VPS13C: variants seen among roughly 807,000 people sequenced by gnomAD.
VPS13C encodes intermembrane lipid transfer protein VPS13C.
VPS13C carries 358 observed loss-of-function variants against 456.8 expected under a neutral mutation model. The ratio of observed to expected loss-of-function variants is 0.78; its 90% CI spans 0.72 to 0.86. The LOEUF is 0.86. Among genes scored for constraint, VPS13C ranks in the 40% least tolerant of loss-of-function variants. The pLI, the probability that VPS13C is intolerant of heterozygous loss-of-function variation, is 0.00. For missense variants in VPS13C, 4,818 were observed against 4,385.4 expected, an observed-to-expected ratio of 1.10 and a Z score of -2.79; for synonymous variants, 1,578 against 1,486.7, an observed-to-expected ratio of 1.06 and a Z score of -1.41.
At chr15:61,955,170 C>A (rs1356304715) in intron 37 of VPS13C, among the ~76,000 whole-genome samples, 1 of 152,162 alleles carries the variant, frequency 6.6e-6, no homozygotes, top group East Asian at 1.9e-4. Flanking sequence ...AAAATAACAA[C>A]AGCTATCACT....
intron 47 of VPS13C, among the ~76,000 whole-genome samples, chr15:61,937,722 C>T (rs1394111806): frequency 6.6e-6 from 1 of 152,188 alleles, no homozygotes; most frequent in East Asian, 1.9e-4. Context: ...GATCCAACCG[C>T]CTCGGCCTCC....
chr15:61,899,819 T>C (rs1046776233), intron 66 of VPS13C, among the ~76,000 whole-genome samples: 1 of 151,938 alleles, frequency 6.6e-6, no homozygotes, highest in Non-Finnish European at 1.5e-5. Flanking sequence ...AAAAAGAGGA[T>C]TTTAGACCAA....
chr15:62,058,072 T>A (rs1398475317), intron 1 of VPS13C, among the ~76,000 whole-genome samples: 1 of 152,244 alleles, frequency 6.6e-6, no homozygotes, highest in African/African-American at 2.4e-5. Context: ...CCAGTATGAT[T>A]TAAACTTTTC....
intron 5 of VPS13C, among the ~76,000 whole-genome samples, chr15:62,032,635 T>C (rs747972202): frequency 5.3e-5 from 8 of 151,944 alleles, no homozygotes; most frequent in African/African-American, 1.7e-4. Context: ...AGAAATCTTA[T>C]ATCTAAATAT....
At chr15:62,002,523 A>G (rs2046665306) in intron 15 of VPS13C, among the ~76,000 whole-genome samples, 1 of 152,126 alleles carries the variant, frequency 6.6e-6, no homozygotes, top group Admixed American at 6.5e-5. Flanking sequence ...CTTTAGTTTA[A>G]TTAGATCCCA....
In VPS13C at chr15:61,890,433, C is replaced by T. The variant is rs200661371; in HGVS notation, c.9106-33G>A. On this transcript the variant is annotated intron_variant, in intron 66 of 84. Transcript: ENST00000644861. The stretch of plus-strand genomic sequence containing the variant: ...GAAGAAAGACTTCATTAAACCCACA[C>T]ATAGTAACTTGTTATTATATAAAAT... The T allele has an allele frequency of 4.0e-5, 63 of 1,562,028 alleles. No homozygotes were observed. In the African/African-American group the frequency reaches 7.1e-4, roughly 18 times the overall value.
intron 22 of VPS13C, among the ~76,000 whole-genome samples, chr15:61,979,834 T>G (rs1437833000): frequency 6.6e-6 from 1 of 152,028 alleles, no homozygotes; most frequent in Non-Finnish European, 1.5e-5. Context: ...AATGGAAATT[T>G]TAAAAACAAG....
intron 63 of VPS13C, 105 bp from the exon 64 acceptor site, chr15:61,910,410 T>A (rs961441910): frequency 2.2e-6 from 2 of 926,456 alleles, no homozygotes; most frequent in Non-Finnish European, 2.8e-6. Flanking sequence ...TTGATTAAAT[T>A]ATTATGAAGT....
intron 63 of VPS13C, among the ~76,000 whole-genome samples, chr15:61,911,179 C>T (rs1466339545): frequency 6.6e-6 from 1 of 152,138 alleles, no homozygotes; most frequent in Non-Finnish European, 1.5e-5. Context: ...AGCACCAGTG[C>T]TTATCTTTGC....
chr15:61,878,154 A>C (rs553038209), intron 74 of VPS13C, among the ~76,000 whole-genome samples: 1 of 151,866 alleles, frequency 6.6e-6, no homozygotes, highest in Non-Finnish European at 1.5e-5. Context: ...GTTTCCTCTG[A>C]AATTTAGTAG....
chr15:61,975,099 T>A (rs1426396093), intron 24 of VPS13C, among the ~76,000 whole-genome samples: 1 of 152,116 alleles, frequency 6.6e-6, no homozygotes, highest in Non-Finnish European at 1.5e-5. Flanking sequence ...GATGCCTAAT[T>A]GCTGGATGCC....
intron 16 of VPS13C, among the ~76,000 whole-genome samples, chr15:61,992,160 G>A (rs1386995832): frequency 6.6e-6 from 1 of 152,070 alleles, no homozygotes; most frequent in Admixed American, 6.6e-5. Context: ...TCCTTGAAAG[G>A]AAACACACCC....
chr15:61,914,668 C>T (rs1449460895), intron 61 of VPS13C, among the ~76,000 whole-genome samples: 1 of 151,276 alleles, frequency 6.6e-6, no homozygotes, highest in Non-Finnish European at 1.5e-5. Flanking sequence ...TCAAGTGATT[C>T]TCCTGCCTCA....
Position 61,909,013 on chromosome 15 carries a change from T to C in VPS13C, c.8957A>G (p.Asp2986Gly). The C allele has an allele frequency of 6.2e-7, 1 of 1,613,978 alleles. No individual in the cohort carries two copies. Among genetic ancestry groups the C allele is most frequent in the Non-Finnish European group, 8.5e-7 (1 of 1,179,946 alleles). Residue 2986 changes from aspartate (D) to glycine (G), a missense_variant, in exon 65 of 85, where the codon GAC becomes GGC. By Grantham distance (94) the Asp-to-Gly change is moderately conservative. Transcript: ENST00000644861. ...ATACCTCTGTTTGTATGTGAGGATG[T>C]CCCATGGTGTATGGTTCATTATCAA... ...PALIMNHTPW[D>G]ILTYKQSGSP...
chr15:62,017,103 G>A (rs1246090864), intron 9 of VPS13C, among the ~76,000 whole-genome samples: 2 of 149,764 alleles, frequency 1.3e-5, no homozygotes. Context: ...AGAAGTGTCT[G>A]TTCATATCCT....
intron 15 of VPS13C, among the ~76,000 whole-genome samples, chr15:62,006,584 T>C (rs990600470): frequency 2.2e-4 from 33 of 152,346 alleles, no homozygotes; most frequent in African/African-American, 7.5e-4. Context: ...TGTGTCTTTA[T>C]AGCAGCGTGA....
At position 61,913,687 on chromosome 15, in the gene VPS13C, A is replaced by G. The variant is rs77153828; in HGVS notation, c.8446-272T>C. 4.3e-3 allele frequency among the ~76,000 whole-genome samples: 662 copies of G among 152,322 alleles called. 8 individuals carry two copies. The highest frequency in any genetic ancestry group is 0.015 in the African/African-American group (642 of 41,576). On this transcript the variant is annotated intron_variant, in intron 61 of 84. Coordinates refer to ENST00000644861, the MANE Select transcript of VPS13C (RefSeq NM_020821.3). ...AGTAAATCTAGATACCAATGAGATTATGTATTGTTTTTAAAAAGAATTATA... is the reference window on the plus strand; with the variant it reads ...AGTAAATCTAGATACCAATGAGATTGTGTATTGTTTTTAAAAAGAATTATA...
intron 20 of VPS13C, 132 bp downstream of exon 20, chr15:61,983,688 A>T (rs2045952045): frequency 9.5e-7 from 1 of 1,052,706 alleles, no homozygotes; most frequent in African/African-American, 1.6e-5. Context: ...TGCTTTTGAA[A>T]CAAGAAAAAC....
Position 61,873,383 on chromosome 15 carries a change from T to C in VPS13C, c.10441A>G (p.Ile3481Val). 1 of 1,613,638 alleles carries C rather than the reference T, an allele frequency of 6.2e-7. No homozygotes were observed. Among genetic ancestry groups the C allele is most frequent in the Non-Finnish European group, 8.5e-7 (1 of 1,179,708 alleles). Residue 3481 changes from isoleucine (I) to valine (V), a missense_variant, in exon 78 of 85, where the codon ATC (isoleucine) becomes GTC (valine). By Grantham distance (29) the Ile-to-Val change is conservative. Around this residue, in one of 3 missense-constraint regions of VPS13C, gnomAD observed 4,552 missense variants for 4,130.6 expected, o/e 1.10. Transcript: ENST00000644861. Reference sequence around the variant, plus strand: ...AAACCTTTCCCAACAGAACCGGTGATTCGAGATACAACTCCTGCTGCACCA... The same window carrying C: ...AAACCTTTCCCAACAGAACCGGTGACTCGAGATACAACTCCTGCTGCACCA... ...VGGAAGVVSR[I>V]TGSVGKGLAA...
Sources: allele counts gnomAD v4.1 joint callset (sites outside exome capture counted in the v4.1 genomes callset), GRCh38; gene constraint gnomAD v4.1.1; regional missense constraint gnomAD v4.1.1; transcripts MANE v1.5; gene names NCBI Gene and HGNC (gene_info 2026-07-23, HGNC 2026-07-21).